CTNNA3: variants seen among roughly 807,000 people sequenced by gnomAD.
CTNNA3 encodes catenin alpha 3.
CTNNA3 carries 76 observed loss-of-function variants against 95.7 expected under a neutral mutation model. The observed-to-expected ratio is 0.79, with a 90% CI of 0.66 to 0.96. The LOEUF (loss-of-function observed/expected upper bound fraction) is 0.96. Among genes scored for constraint, CTNNA3 ranks in the 40% least tolerant of loss-of-function variants. The pLI is 0.00. For synonymous variants in CTNNA3, 431 were observed against 374.4 expected (o/e 1.15, Z -1.74); for missense variants, 1,191 against 1,089.8 (o/e 1.09, Z -1.31).
chr10:66,389,425 G>A lies in CTNNA3; in HGVS notation c.1532-10073C>T, dbSNP rs546894961. On this transcript the variant is annotated intron_variant, in intron 11 of 17. Coordinates refer to ENST00000433211, the MANE Select transcript of CTNNA3 (RefSeq NM_013266.4). ...AGGGGTGGAATGTCCTGGTGTTAGC[G>A]TAAATGCTGAAATGCATTCATTTAA... Among the ~76,000 whole-genome samples the A allele has an allele frequency of 9.2e-5, 14 of 152,162 alleles. 1 individual carries two copies. The South Asian group carries it at 1.7e-3, about 18-fold the overall frequency.
intron 7 of CTNNA3, among the ~76,000 whole-genome samples, chr10:66,985,968 C>T (rs1341544733): frequency 6.6e-6 from 1 of 152,110 alleles, no homozygotes; most frequent in Non-Finnish European, 1.5e-5. Context: ...CCTCATGATC[C>T]TCTGGCCTTG....
intron 7 of CTNNA3, among the ~76,000 whole-genome samples, chr10:66,870,992 C>T (rs1177178737): frequency 6.6e-6 from 1 of 152,168 alleles, no homozygotes; most frequent in Non-Finnish European, 1.5e-5. Context: ...AAGCTGCTGA[C>T]TTCTACATTT....
At chr10:66,373,079 GA>G (rs2092766054) in intron 12 of CTNNA3, among the ~76,000 whole-genome samples, 1 of 151,910 alleles carries the variant, frequency 6.6e-6, no homozygotes, top group South Asian at 2.1e-4. Context: ...CACTGTGTCA[GA>G]ATATATTATT....
At chr10:66,912,302 T>C (rs1314289485) in intron 7 of CTNNA3, among the ~76,000 whole-genome samples, 1 of 151,986 alleles carries the variant, frequency 6.6e-6, no homozygotes, top group Non-Finnish European at 1.5e-5. Flanking sequence ...AAATACAAAT[T>C]TGAAAATAGC....
chr10:66,726,852 T>C (rs1039739324), intron 9 of CTNNA3, among the ~76,000 whole-genome samples: 1 of 152,098 alleles, frequency 6.6e-6, no homozygotes, highest in African/African-American at 2.4e-5. Flanking sequence ...GAAAAAAGCA[T>C]GGACATAAGA....
At chr10:66,952,112 A>C (rs771432107) in intron 7 of CTNNA3, among the ~76,000 whole-genome samples, 27 of 152,148 alleles carry the variant, frequency 1.8e-4, no homozygotes, top group Non-Finnish European at 3.8e-4. Context: ...TCCCCCCAAT[A>C]TTTTTAAGCA....
intron 9 of CTNNA3, among the ~76,000 whole-genome samples, chr10:66,658,330 A>G (rs1846141381): frequency 1.3e-5 from 2 of 152,164 alleles, no homozygotes. Flanking sequence ...TTCCAGCTCT[A>G]AAATCTTGTT....
intron 11 of CTNNA3, among the ~76,000 whole-genome samples, chr10:66,442,344 T>A (rs1276199249): frequency 7.8e-6 from 1 of 128,592 alleles, no homozygotes; most frequent in East Asian, 2.3e-4. Context: ...CTGTATAATA[T>A]GGATTAGGTT....
chr10:66,419,552 T>A (rs1333110349), intron 11 of CTNNA3, among the ~76,000 whole-genome samples: 3 of 152,030 alleles, frequency 2.0e-5, no homozygotes, highest in Admixed American at 6.6e-5. Flanking sequence ...TACAATTCAT[T>A]TGAAACCAAA....
At chr10:66,128,560 A>G (rs1309144185) in intron 13 of CTNNA3, among the ~76,000 whole-genome samples, 1 of 152,230 alleles carries the variant, frequency 6.6e-6, no homozygotes, top group Non-Finnish European at 1.5e-5. Context: ...AAAAGGCTAC[A>G]TACTGTATGA....
chr10:66,570,582 C>T (rs978328577), intron 10 of CTNNA3, among the ~76,000 whole-genome samples: 5 of 152,010 alleles, frequency 3.3e-5, no homozygotes, highest in Non-Finnish European at 7.4e-5. Flanking sequence ...CCACCGCACC[C>T]AGCCGACAAA....
At chr10:66,231,825 G>A (rs1212052890) in intron 13 of CTNNA3, among the ~76,000 whole-genome samples, 2 of 152,096 alleles carry the variant, frequency 1.3e-5, no homozygotes, top group Non-Finnish European at 1.5e-5. Context: ...CAATGAGAAA[G>A]CTGACAGTTT....
chr10:66,702,512 C>G (rs1205726515), intron 9 of CTNNA3, among the ~76,000 whole-genome samples: 1 of 151,824 alleles, frequency 6.6e-6, no homozygotes, highest in East Asian at 1.9e-4. Context: ...CGAGACTAGC[C>G]TGACCAACAT....
chr10:66,037,396 G>A (rs1304406175), intron 15 of CTNNA3, among the ~76,000 whole-genome samples: 2 of 152,070 alleles, frequency 1.3e-5, no homozygotes, highest in Non-Finnish European at 2.9e-5. Flanking sequence ...AATTTGACAA[G>A]TCTCTTTAAT....
rs1282508194 is a variant in CTNNA3 at position 67,135,383 on chromosome 10, T to C, written c.1047+44934A>G. 1.2e-4 allele frequency among the ~76,000 whole-genome samples: 18 copies of C among 152,266 alleles called. No individual in the cohort carries two copies. The East Asian group carries it at 3.3e-3, about 28-fold the overall frequency. On this transcript the variant is annotated intron_variant, in intron 7 of 17. Coordinates refer to ENST00000433211, the MANE Select transcript of CTNNA3 (RefSeq NM_013266.4). Reference sequence around the variant, plus strand: ...GACCAGATATATGCAGTAACAACAATGGACATACAGGTAAGTCACAATGGC... The same window carrying C: ...GACCAGATATATGCAGTAACAACAACGGACATACAGGTAAGTCACAATGGC...
intron 5 of CTNNA3, among the ~76,000 whole-genome samples, chr10:67,381,073 T>C (rs559711127): frequency 2.2e-4 from 33 of 152,304 alleles, no homozygotes; most frequent in Admixed American, 1.4e-3. Context: ...CTCACCATTT[T>C]ATGAAACAAT....
intron 5 of CTNNA3, among the ~76,000 whole-genome samples, chr10:67,301,415 G>T (rs1241645055): frequency 6.6e-6 from 1 of 152,110 alleles, no homozygotes; most frequent in Non-Finnish European, 1.5e-5. Flanking sequence ...AGGTCAATTA[G>T]TACAGCCATT....
At chr10:66,060,195 G>A (rs2080166425) in intron 15 of CTNNA3, among the ~76,000 whole-genome samples, 1 of 152,028 alleles carries the variant, frequency 6.6e-6, no homozygotes, top group South Asian at 2.1e-4. Context: ...GTCACAAAAT[G>A]TGGGAACTGT....
Position 66,367,850 on chromosome 10 carries a change from T to TATA in CTNNA3, c.1732+11299_1732+11301dup, listed in dbSNP as rs201921395. Among the ~76,000 whole-genome samples, 195 of 100,200 alleles carry TATA rather than the reference T, an allele frequency of 1.9e-3. 2 individuals are homozygous for TATA. The highest frequency in any genetic ancestry group is 7.0e-3 in the African/African-American group (169 of 24,096). The allele number at this position is 100,200 out of a possible 152,430, so 65.7% of individuals were successfully genotyped here. On this transcript the variant is annotated intron_variant, in intron 12 of 17. Coordinates refer to ENST00000433211, the MANE Select transcript of CTNNA3 (RefSeq NM_013266.4). Reference sequence around the variant, plus strand: ...TTCTGCATCTTTTTAAGGCTTCTTTTATAATAATAATAATAATAATAATAA... The same window carrying TATA: ...TTCTGCATCTTTTTAAGGCTTCTTTTATAATAATAATAATAATAATAATAATAA...
Sources: allele counts gnomAD v4.1 joint callset (sites outside exome capture counted in the v4.1 genomes callset), GRCh38; gene constraint gnomAD v4.1.1; transcripts MANE v1.5; gene names NCBI Gene and HGNC (gene_info 2026-07-23, HGNC 2026-07-21).